Variants in EPS15 observed in about 807,000 individuals in gnomAD.
EPS15 encodes epidermal growth factor receptor substrate 15.
A neutral mutation model predicts 113.8 loss-of-function variants in EPS15; 72 were observed. That is an observed-to-expected ratio of 0.63 (90% confidence interval 0.52 to 0.77). The LOEUF (loss-of-function observed/expected upper bound fraction) is 0.77, where lower values mean the gene tolerates loss of function less well. Ranked by LOEUF, EPS15 falls within the 30% of genes least tolerant of loss-of-function variation. The pLI is 0.00. For missense variants in EPS15, 1,048 were observed against 1,045.8 expected (o/e 1.00, Z -0.03); for synonymous variants, 344 against 363.4 (o/e 0.95, Z 0.61).
At chr1:51,425,200 C>A (rs1651100061) in intron 12 of EPS15, among the ~76,000 whole-genome samples, 1 of 152,122 alleles carries the variant, frequency 6.6e-6, no homozygotes, top group South Asian at 2.1e-4. Flanking sequence ...TGAATTTGAA[C>A]CATCAAGGAA....
chr1:51,437,309 A>G (rs1652226956), intron 12 of EPS15, among the ~76,000 whole-genome samples: 2 of 152,112 alleles, frequency 1.3e-5, no homozygotes, highest in Non-Finnish European at 2.9e-5. Flanking sequence ...ATATGATTCT[A>G]AGAAATATAT....
chr1:51,494,717 T>C (rs915885536), intron 1 of EPS15, among the ~76,000 whole-genome samples: 1 of 152,234 alleles, frequency 6.6e-6, no homozygotes, highest in Non-Finnish European at 1.5e-5. Flanking sequence ...TCTCCTACTC[T>C]TGGTAGTTCT....
chr1:51,419,517 A>G (rs904154134), intron 13 of EPS15, among the ~76,000 whole-genome samples: 9 of 152,134 alleles, frequency 5.9e-5, no homozygotes, highest in Admixed American at 5.9e-4. Flanking sequence ...ACACTCAAAA[A>G]GCCAAGTGCG....
chr1:51,510,534 T>C (rs529432817), intron 1 of EPS15, among the ~76,000 whole-genome samples: 1 of 152,342 alleles, frequency 6.6e-6, no homozygotes, highest in South Asian at 2.1e-4. Context: ...TTCTCAACAG[T>C]GGCATAAGAA....
intron 21 of EPS15, among the ~76,000 whole-genome samples, chr1:51,369,618 A>C (rs1388713223): frequency 6.6e-6 from 1 of 152,236 alleles, no homozygotes; most frequent in East Asian, 1.9e-4. Context: ...ATACTTCTTT[A>C]ACAGCCTTTA....
chr1:51,416,569 G>A (rs533483522), intron 13 of EPS15, among the ~76,000 whole-genome samples: 4 of 152,256 alleles, frequency 2.6e-5, no homozygotes, highest in African/African-American at 9.6e-5. Flanking sequence ...AGAAATCACT[G>A]AAGTTACTGA....
At chr1:51,426,802 T>A (rs1651231085) in intron 12 of EPS15, among the ~76,000 whole-genome samples, 1 of 151,224 alleles carries the variant, frequency 6.6e-6, no homozygotes, top group South Asian at 2.1e-4. Context: ...CTTAAAAATT[T>A]CTTAAAATAA....
In EPS15 at chr1:51,357,420, A is replaced by G. The variant is rs1475954932; in HGVS notation, c.2545-574T>C. Among the ~76,000 whole-genome samples, 4 of 68,782 alleles carry G rather than the reference A, an allele frequency of 5.8e-5. No individual in the cohort carries two copies. In the East Asian group the frequency reaches 2.2e-3, roughly 39 times the overall value. 45.1% of individuals were successfully genotyped at this position (68,782 alleles called of 152,430 possible). On this transcript the variant is annotated intron_variant, in intron 24 of 24. Transcript: ENST00000371733. ...TATATATATATATATATATATATATATATATATTTTTTTTTTTTAAATGTG... is the reference window on the plus strand; with the variant it reads ...TATATATATATATATATATATATATGTATATATTTTTTTTTTTTAAATGTG...
At chr1:51,397,902 C>T (rs532418990) in intron 20 of EPS15, among the ~76,000 whole-genome samples, 3 of 152,200 alleles carry the variant, frequency 2.0e-5, no homozygotes, top group South Asian at 2.1e-4. Flanking sequence ...GTCTCAAAAA[C>T]GAAGTCTCAA....
In EPS15 at chr1:51,471,580, C is replaced by T. The variant is rs555747349; in HGVS notation, c.213+110G>A. 39 of 836,322 alleles carry T rather than the reference C, an allele frequency of 4.7e-5. No individual in the cohort carries two copies. In the South Asian group the frequency reaches 5.8e-4, roughly 12 times the overall value. 51.8% of individuals were successfully genotyped at this position (836,322 alleles called of 1,614,324 possible). On this transcript the variant is annotated intron_variant, in intron 4 of 24. Transcript: ENST00000371733. Reference sequence around the variant, plus strand: ...TTACACACTTGCCCTAGGCAAAACTCTAATGTTGGTAAAAACCAATTCTTG... The same window carrying T: ...TTACACACTTGCCCTAGGCAAAACTTTAATGTTGGTAAAAACCAATTCTTG...
chr1:51,355,258 T>G lies in EPS15; in HGVS notation c.*1442A>C. 1 of 219,674 alleles carries G rather than the reference T, an allele frequency of 4.6e-6. No homozygotes were observed. The allele number at this position is 219,674 out of a possible 1,614,324, so 13.6% of individuals were successfully genotyped here. A position where few individuals can be genotyped will look rare whatever the true frequency, so the allele number is the denominator to read the frequency against. ...GAAATGAATTGGATATTTTGGAATT[T>G]ATTTATAGGCTAGGCAATAAGTTAC... On this transcript the variant is annotated 3_prime_UTR_variant, in exon 25 of 25. Transcript: ENST00000371733.
At chr1:51,422,672 G>A (rs1650866719) in intron 12 of EPS15, among the ~76,000 whole-genome samples, 1 of 152,352 alleles carries the variant, frequency 6.6e-6, no homozygotes. Flanking sequence ...CACTTTTGAT[G>A]TAACAATTTA....
In EPS15 at chr1:51,431,737, G is replaced by A. The variant is rs138576281; in HGVS notation, c.1040+8610C>T. Reference sequence around the variant, plus strand: ...GCTGGGATTACAGGCGTGAGTTACCGCGCCTGGCCAGAAATATAAATTTAT... The same window carrying A: ...GCTGGGATTACAGGCGTGAGTTACCACGCCTGGCCAGAAATATAAATTTAT... On this transcript the variant is annotated intron_variant, in intron 12 of 24. Coordinates refer to ENST00000371733, the MANE Select transcript of EPS15 (RefSeq NM_001981.3). 5.4e-4 allele frequency among the ~76,000 whole-genome samples: 82 copies of A among 152,084 alleles called. No homozygotes were observed. The South Asian group carries it at 0.014, about 25-fold the overall frequency.
At chr1:51,485,658 C>T (rs1162241113) in intron 1 of EPS15, among the ~76,000 whole-genome samples, 1 of 152,162 alleles carries the variant, frequency 6.6e-6, no homozygotes, top group Non-Finnish European at 1.5e-5. Context: ...CAATTATTAT[C>T]AACAAAGTTT....
intron 22 of EPS15, among the ~76,000 whole-genome samples, chr1:51,364,875 G>A (rs1386232855): frequency 6.6e-6 from 1 of 151,894 alleles, no homozygotes; most frequent in Admixed American, 6.6e-5. Flanking sequence ...TCACTCTAAG[G>A]TTGGAGTACA....
chr1:51,387,137 A>G (rs1338531148), intron 21 of EPS15, among the ~76,000 whole-genome samples: 1 of 152,226 alleles, frequency 6.6e-6, no homozygotes, highest in Non-Finnish European at 1.5e-5. Context: ...GAAACTCCAC[A>G]AGCCAGAAGA....
chr1:51,371,170 C>T (rs35260702), intron 21 of EPS15, among the ~76,000 whole-genome samples: 8,785 of 152,232 alleles, frequency 0.058, 343 homozygotes, highest in Non-Finnish European at 0.086. Context: ...CCACCGTGGC[C>T]TCTCAAAGTG....
At chr1:51,503,219 T>A (rs1644442889) in intron 1 of EPS15, among the ~76,000 whole-genome samples, 1 of 152,190 alleles carries the variant, frequency 6.6e-6, no homozygotes, top group Non-Finnish European at 1.5e-5. Flanking sequence ...CAAACTAATC[T>A]ATAGATTCAA....
At chr1:51,367,060 T>C (rs1469689267) in intron 21 of EPS15, among the ~76,000 whole-genome samples, 2 of 152,170 alleles carry the variant, frequency 1.3e-5, no homozygotes, top group Non-Finnish European at 2.9e-5. Context: ...AAAACAGTCT[T>C]ATATGGGTTA....
Sources: allele counts gnomAD v4.1 joint callset (sites outside exome capture counted in the v4.1 genomes callset), GRCh38; gene constraint gnomAD v4.1.1; transcripts MANE v1.5; gene names NCBI Gene and HGNC (gene_info 2026-07-23, HGNC 2026-07-21).